The following RNF213 variants were observed in gnomAD, a reference collection of about 807,000 sequenced individuals.
RNF213 encodes the protein ring finger protein 213.
RNF213 carries 341 observed loss-of-function variants against 514.4 expected under a neutral mutation model. The ratio of observed to expected loss-of-function variants is 0.66; its 90% CI spans 0.61 to 0.73. The LOEUF (loss-of-function observed/expected upper bound fraction) is 0.73. RNF213 is among the 30% of genes least tolerant of loss of function. The pLI is 0.00. For synonymous variants in RNF213, 2,655 were observed against 2,658.2 expected (o/e 1.00, Z 0.04); for missense variants, 5,767 against 6,615.6 (o/e 0.87, Z 4.45).
At chr17:80,307,854 GTTTT>G (rs59352873) in intron 13 of RNF213, among the ~76,000 whole-genome samples, 11 of 130,742 alleles carry the variant, frequency 8.4e-5, no homozygotes, top group Middle Eastern at 4.7e-3. Flanking sequence ...CTGGCCGTCT[GTTTT>G]TTTTTTTTTT....
intron 10 of RNF213, among the ~76,000 whole-genome samples, chr17:80,296,978 C>G (rs2044975439): frequency 6.6e-6 from 1 of 151,758 alleles, no homozygotes; most frequent in Admixed American, 6.6e-5. Flanking sequence ...TGTGCCTGGC[C>G]TGGTTTTACA....
At chr17:80,356,817 C>A (rs1479945681) in intron 36 of RNF213, among the ~76,000 whole-genome samples, 2 of 152,196 alleles carry the variant, frequency 1.3e-5, no homozygotes, top group Non-Finnish European at 2.9e-5. Context: ...TTTTAAAATT[C>A]TTGCCAGGTT....
chr17:80,297,895 T>C (rs1032801130), intron 10 of RNF213, among the ~76,000 whole-genome samples: 1 of 152,080 alleles, frequency 6.6e-6, no homozygotes, highest in East Asian at 1.9e-4. Context: ...AGTTCGAGGT[T>C]ATAATGATCG....
rs757867921 is a variant in RNF213, at chr17:80,354,596, C to A, written c.10862+20C>A. ...ATTCAGGTACTGTGACTAAAGGAAGCAAGGAGTGGCTCCAATCTGGTGGCA... is the reference window on the plus strand; with the variant it reads ...ATTCAGGTACTGTGACTAAAGGAAGAAAGGAGTGGCTCCAATCTGGTGGCA... On this transcript the variant is annotated intron_variant, in intron 36 of 67. Transcript: ENST00000582970. 8 of 1,613,922 alleles carry A rather than the reference C, an allele frequency of 5.0e-6. No homozygotes were observed. The East Asian group carries it at 1.6e-4, about 31-fold the overall frequency.
intron 11 of RNF213, among the ~76,000 whole-genome samples, chr17:80,301,412 A>G (rs1425373976): frequency 1.3e-5 from 2 of 152,194 alleles, no homozygotes; most frequent in Non-Finnish European, 2.9e-5. Context: ...AATATTTGTC[A>G]TCTACACGTT....
At position 80,327,856 on chromosome 17, in the gene RNF213, C is replaced by G; in HGVS notation, c.3234C>G (p.Ala1078=). 1 of 1,537,144 alleles carries G rather than the reference C, an allele frequency of 6.5e-7. No homozygotes were observed. The highest frequency in any genetic ancestry group is 2.4e-5 in the East Asian group (1 of 40,924). ...EKILANVTED[A]KRLIAVADSV... ...TACTAGCAAATGTCACAGAGGATGC[C>G]AAGAGGCTGATAGCTGTTGCCGACT... The change falls in exon 19 of 68, where the codon GCC becomes GCG. Residue 1078 remains alanine (A), a synonymous_variant. Coordinates refer to ENST00000582970, the MANE Select transcript of RNF213 (RefSeq NM_001256071.3).
At chr17:80,336,006 A>C (rs2077978346) in intron 22 of RNF213, among the ~76,000 whole-genome samples, 155 bp from the exon 23 acceptor site, 1 of 151,422 alleles carries the variant, frequency 6.6e-6, no homozygotes, top group Admixed American at 6.6e-5. Context: ...ACAAAAGATT[A>C]GGTGTTCCGG....
Position 80,291,761 on chromosome 17 carries a change from C to T in RNF213, c.1405C>T (p.Gln469Ter), listed in dbSNP as rs751284950. The T allele has an allele frequency of 6.2e-7, 1 of 1,614,164 alleles. No homozygotes were observed. Among genetic ancestry groups the T allele is most frequent in the Non-Finnish European group, 8.5e-7 (1 of 1,180,044 alleles). ...TGAGTATGAGTTCATTTACAAGCAC[C>T]AGCAGAAGAAGGGCGAGTACGTCAA... The part of the protein sequence containing the change: ...SFEYEFIYKH[Q>*]QKKGEYVNRC... The change falls in exon 8 of 68, where the codon CAG (glutamine) becomes TAG (stop). Residue 469 changes from glutamine (Q) to a stop codon, truncating the protein, a stop_gained. Coordinates refer to ENST00000582970, the MANE Select transcript of RNF213 (RefSeq NM_001256071.3). LOFTEE classifies it high-confidence loss of function.
chr17:80,281,588 C>CCCCAACACACA (rs2044295477), intron 3 of RNF213, among the ~76,000 whole-genome samples: 5 of 58,802 alleles, frequency 8.5e-5, no homozygotes, highest in South Asian at 6.3e-4. Flanking sequence ...CACTCACACA[C>CCCCAACACACA]TGCCAACACA....
Position 80,332,479 on chromosome 17 carries a change from G to A in RNF213, c.3991G>A (p.Asp1331Asn). 1.3e-6 allele frequency: 2 copies of A among 1,537,096 alleles called. No homozygotes were observed. Among genetic ancestry groups the A allele is most frequent in the South Asian group, 1.2e-5 (1 of 84,052 alleles). ...GATCATGTGCACCGTGGACCACCAG[G>A]ACCAAAGAGATTGGATCAAGGACCG... ...LKIMCTVDHQDQRDWIKDRVE... is the reference protein window; with the variant it reads ...LKIMCTVDHQNQRDWIKDRVE... The change falls in exon 21 of 68, where the codon GAC becomes AAC. Residue 1331 changes from aspartate (D) to asparagine (N), a missense_variant. This residue lies in a region of RNF213 where 516 missense variants were observed against 566.5 expected (regional missense o/e 0.91). Coordinates refer to ENST00000582970, the MANE Select transcript of RNF213 (RefSeq NM_001256071.3).
In RNF213 at chr17:80,348,047, G is replaced by A. The variant is rs1377261392; in HGVS notation, c.9712G>A (p.Gly3238Ser). ...SVVLQVIERQ[G>S]PRALTEELHQ... ...GGTGCTGCAGGTCATAGAGAGGCAG[G>A]GTCCCCGGGCCTTGACGGAGGAACT... The change falls in exon 29 of 68, where the codon GGT (glycine) becomes AGT (serine). Residue 3238 changes from glycine to serine, a missense_variant. Gly to Ser is a moderately conservative substitution (Grantham distance 56). This residue lies in a region of RNF213 where 919 missense variants were observed against 1,121.0 expected (regional missense o/e 0.82). Coordinates refer to ENST00000582970, the MANE Select transcript of RNF213 (RefSeq NM_001256071.3). The A allele has an allele frequency of 6.2e-7, 1 of 1,614,062 alleles. No homozygotes were observed. Among genetic ancestry groups the A allele is most frequent in the Non-Finnish European group, 8.5e-7 (1 of 1,180,044 alleles).
chr17:80,354,692 C>T lies in RNF213; in HGVS notation c.10862+116C>T, dbSNP rs59640970. On this transcript the variant is annotated intron_variant, in intron 36 of 67. Coordinates refer to ENST00000582970, the MANE Select transcript of RNF213 (RefSeq NM_001256071.3). ...GGGACTGAGCTGTTTCTTTCCAAAC[C>T]TCTCAGCCATTCAAAGCTGTAAAGT... The T allele has an allele frequency of 4.1e-5, 54 of 1,319,236 alleles. 1 individual carries two copies. In the South Asian group the frequency reaches 6.3e-4, roughly 15 times the overall value. 81.7% of individuals were successfully genotyped at this position (1,319,236 alleles called of 1,614,324 possible).
chr17:80,307,964 T>C (rs2045431031), intron 13 of RNF213, among the ~76,000 whole-genome samples: 1 of 151,794 alleles, frequency 6.6e-6, no homozygotes. Flanking sequence ...TACTTGTAAA[T>C]AGTCATGATA....
At chr17:80,342,384 T>G (rs2078177955) in intron 26 of RNF213, among the ~76,000 whole-genome samples, 1 of 152,072 alleles carries the variant, frequency 6.6e-6, no homozygotes, top group African/African-American at 2.4e-5. Context: ...GGAGAGTGAG[T>G]AGGTAACGGC....
At chr17:80,355,870 C>T (rs905749974) in intron 36 of RNF213, among the ~76,000 whole-genome samples, 7 of 151,184 alleles carry the variant, frequency 4.6e-5, no homozygotes, top group Non-Finnish European at 1.0e-4. Flanking sequence ...ACACCTTCCT[C>T]GTGACCAGAG....
chr17:80,283,442 G>A (rs1406064486), intron 3 of RNF213, among the ~76,000 whole-genome samples: 2 of 152,238 alleles, frequency 1.3e-5, no homozygotes, highest in African/African-American at 2.4e-5. Flanking sequence ...GTCCCTCCAA[G>A]GGTCTCTCCT....
chr17:80,386,763 CT>C lies in RNF213; in HGVS notation c.14795del (p.Leu4932ArgfsTer40), dbSNP rs755567489. 7 of 1,614,082 alleles carry C rather than the reference CT, an allele frequency of 4.3e-6. No individual in the cohort carries two copies. Among genetic ancestry groups the C allele is most frequent in the Non-Finnish European group, 5.1e-6 (6 of 1,180,034 alleles). On this transcript the variant is annotated frameshift_variant, in exon 63 of 68. Transcript: ENST00000582970. LOFTEE classifies it high-confidence loss of function. ...SYEVERDLTP[L>X]ILSNCQYQVE... ...TGAAGTGGAGCGGGACCTGACTCCA[CT>C]GATTCTCTCCAACTGCCAGTACCAG...
intron 17 of RNF213, among the ~76,000 whole-genome samples, chr17:80,322,541 A>G (rs2046174003): frequency 6.6e-6 from 1 of 151,480 alleles, no homozygotes; most frequent in African/African-American, 2.4e-5. Context: ...GTGCCACTGC[A>G]CTCCGGCCTG....
chr17:80,364,398 CGAGT>C lies in RNF213; in HGVS notation c.11751-21_11751-18del, dbSNP rs563890194. ...CACCCTTGGGTTCCTTGGTGGGAGC[CGAGT>C]GAGTGAGTGAGTGGCGCCCTCTTTT... On this transcript the variant is annotated intron_variant, in intron 41 of 67. Transcript: ENST00000582970. 179 of 1,612,990 alleles carry C rather than the reference CGAGT, an allele frequency of 1.1e-4. No individual in the cohort carries two copies. The East Asian group carries it at 2.1e-3, about 19-fold the overall frequency.
Sources: gnomAD v4.1 joint callset for allele counts (sites outside exome capture counted in the v4.1 genomes callset) on GRCh38, gnomAD v4.1.1 for gene constraint, gnomAD v4.1.1 regional missense constraint, MANE v1.5 for transcripts, NCBI Gene and HGNC (gene_info 2026-07-23, HGNC 2026-07-21) for gene names.